Variants in ASPH observed in about 807,000 individuals in gnomAD.
ASPH encodes the protein aspartyl/asparaginyl beta-hydroxylase.
ASPH carries 100 observed loss-of-function variants against 118.4 expected under a neutral mutation model. The ratio of observed to expected loss-of-function variants is 0.84; its 90% CI spans 0.72 to 1.00. The LOEUF is 1.00. Ranked by LOEUF, ASPH falls within the 50% of genes least tolerant of loss-of-function variation. The pLI is 0.00. For synonymous variants in ASPH, 315 were observed against 325.6 expected, an observed-to-expected ratio of 0.97 and a Z score of 0.35; for missense variants, 920 against 919.5, an observed-to-expected ratio of 1.00 and a Z score of -0.01.
intron 18 of ASPH, among the ~76,000 whole-genome samples, chr8:61,557,511 G>A (rs776279404): frequency 3.3e-5 from 5 of 152,048 alleles, no homozygotes; most frequent in Non-Finnish European, 5.9e-5. Context: ...ACCATTACCC[G>A]CATTACTAAA....
At chr8:61,566,457 C>T (rs10086850) in intron 17 of ASPH, among the ~76,000 whole-genome samples, 152,096 of 152,336 alleles carry the variant, frequency 1, 75,928 homozygotes, top group Middle Eastern at 1. Flanking sequence ...CAGTGAACAT[C>T]GTTGAAATGG....
chr8:61,644,702 A>G, intron 6 of ASPH, 70 bp from the exon 7 acceptor site: 1 of 1,157,090 alleles, frequency 8.6e-7, no homozygotes, highest in Non-Finnish European at 1.2e-6. Context: ...CCGTATATGT[A>G]CTCTGAATCT....
intron 24 of ASPH, among the ~76,000 whole-genome samples, chr8:61,505,537 A>G (rs963537731): frequency 6.0e-5 from 9 of 150,854 alleles, no homozygotes; most frequent in Admixed American, 3.3e-4. Flanking sequence ...GCCTCCCACC[A>G]TGATTCTGAG....
Position 61,653,646 on chromosome 8 carries a change from ATC to A in ASPH, c.335_336del (p.Arg112IlefsTer13). 1 of 1,613,728 alleles carries A rather than the reference ATC, an allele frequency of 6.2e-7. No individual in the cohort carries two copies. Among genetic ancestry groups the A allele is most frequent in the Non-Finnish European group, 8.5e-7 (1 of 1,179,918 alleles). ...DAKVLLGLKE[R>X]STSEPAVPPE... ...GGCGGGACTGCTGGCTCTGAAGTAG[ATC>A]TCTCTTTAAGTCCTGCATTTTTTTA... On this transcript the variant is annotated frameshift_variant, in exon 4 of 25. Transcript: ENST00000379454. LOFTEE classifies it high-confidence loss of function.
chr8:61,505,091 C>T (rs1243597165), intron 24 of ASPH, among the ~76,000 whole-genome samples: 1 of 152,152 alleles, frequency 6.6e-6, no homozygotes, highest in Non-Finnish European at 1.5e-5. Flanking sequence ...ATGGGGGCAG[C>T]TTCCCCCATA....
At chr8:61,629,502 TAA>T (rs139724287) in intron 13 of ASPH, among the ~76,000 whole-genome samples, 8,682 of 152,254 alleles carry the variant, frequency 0.057, 805 homozygotes, top group African/African-American at 0.19. Flanking sequence ...AAATCAATCT[TAA>T]AAATCTAATA....
chr8:61,537,537 TTTA>T (rs564806529), intron 21 of ASPH, among the ~76,000 whole-genome samples: 1 of 151,804 alleles, frequency 6.6e-6, no homozygotes, highest in Admixed American at 6.6e-5. Context: ...GCCTGGCTAA[TTTA>T]TTATTATTAT....
intron 21 of ASPH, among the ~76,000 whole-genome samples, chr8:61,539,699 G>T (rs867226076): frequency 5.6e-5 from 7 of 124,208 alleles, no homozygotes; most frequent in Admixed American, 2.6e-4. Flanking sequence ...ACACTTCTGG[G>T]GTGTGTGTGT....
rs534452149 is a variant in ASPH, at chr8:61,593,034, C to T, written c.977-9005G>A. Among the ~76,000 whole-genome samples the T allele has an allele frequency of 2.4e-4, 37 of 152,238 alleles. 1 individual carries two copies. Among genetic ancestry groups the T allele is most frequent in the African/African-American group, 8.4e-4 (35 of 41,540 alleles). ...CCTACAGGCGGGGGATGTGGGTAGG[C>T]GCCCTCAGTTATTTTCTCTTTCATT... On this transcript the variant is annotated intron_variant, in intron 14 of 24. Transcript: ENST00000379454.
In ASPH at chr8:61,643,277, G is replaced by GA; in HGVS notation, c.757+108dup. ...AACAAAATCTCATGCATTAGATGTC[G>GA]AAATTACTTCTTTGATGCCTTTAAA... On this transcript the variant is annotated intron_variant, in intron 9 of 24. Transcript: ENST00000379454. 3 of 1,097,868 alleles carry GA rather than the reference G, an allele frequency of 2.7e-6. No homozygotes were observed. In the South Asian group the frequency reaches 4.9e-5, roughly 18 times the overall value. The allele number at this position is 1,097,868 out of a possible 1,614,324, so 68.0% of individuals were successfully genotyped here. A position where few individuals can be genotyped will look rare whatever the true frequency, so the allele number is the denominator to read the frequency against.
At position 61,616,935 on chromosome 8, in the gene ASPH, C is replaced by T. The variant is rs1935430302; in HGVS notation, c.976+2043G>A. 2.6e-5 allele frequency among the ~76,000 whole-genome samples: 4 copies of T among 152,182 alleles called. No homozygotes were observed. In the South Asian group the frequency reaches 8.3e-4, roughly 32 times the overall value. On this transcript the variant is annotated intron_variant, in intron 14 of 24. Transcript: ENST00000379454. ...TGCAACCACTTGTCTAGAACAATTC[C>T]TGGCATGTAGTTGGCACACTAATTT... is the stretch of plus-strand genomic sequence containing the variant.
chr8:61,626,089 T>C, intron 13 of ASPH: 6 of 1,246,692 alleles, frequency 4.8e-6, no homozygotes, highest in Non-Finnish European at 6.1e-6. Flanking sequence ...TGTGTGTTTC[T>C]AAAAAGAAAA....
intron 1 of ASPH, among the ~76,000 whole-genome samples, chr8:61,694,879 C>T (rs538545841): frequency 1.3e-5 from 2 of 152,304 alleles, no homozygotes; most frequent in Admixed American, 6.5e-5. Flanking sequence ...CTTTCCTGTT[C>T]AGTGTCCTAA....
At chr8:61,658,251 C>T (rs1187203404) in intron 3 of ASPH, 1 of 152,160 alleles carries the variant, frequency 6.6e-6, no homozygotes, top group African/African-American at 2.4e-5. Flanking sequence ...CTCAAAGCTG[C>T]CCCATGATAT....
rs144009141 is a variant in ASPH, at chr8:61,525,354, A to ACG, written c.1900+621_1900+622dup. On this transcript the variant is annotated intron_variant, in intron 22 of 24. Coordinates refer to ENST00000379454, the MANE Select transcript of ASPH (RefSeq NM_004318.4). ...ATCAATTCACTGAAAACACACACAC[A>ACG]CGCACACACACACACATACACACAC... Among the ~76,000 whole-genome samples, 620 of 132,998 alleles carry ACG rather than the reference A, an allele frequency of 4.7e-3. 5 individuals carry two copies. Among genetic ancestry groups the ACG allele is most frequent in the African/African-American group, 0.015 (549 of 35,574 alleles). The allele number at this position is 132,998 out of a possible 152,430, so 87.3% of individuals were successfully genotyped here.
intron 21 of ASPH, among the ~76,000 whole-genome samples, chr8:61,538,607 T>G (rs1820524615): frequency 6.6e-6 from 1 of 152,208 alleles, no homozygotes; most frequent in African/African-American, 2.4e-5. Flanking sequence ...TAAGTCTTAT[T>G]TTTGTCTAGG....
intron 1 of ASPH, among the ~76,000 whole-genome samples, chr8:61,701,725 AT>A (rs1308571546): frequency 6.6e-6 from 1 of 152,212 alleles, no homozygotes; most frequent in Non-Finnish European, 1.5e-5. Context: ...AGAAAGTTCA[AT>A]TTTTAACAAA....
intron 14 of ASPH, among the ~76,000 whole-genome samples, chr8:61,617,719 G>C (rs979180339): frequency 6.6e-5 from 10 of 151,974 alleles, no homozygotes; most frequent in Non-Finnish European, 1.2e-4. Flanking sequence ...TTACAACAAG[G>C]CCAGGAGTTT....
At chr8:61,681,252 A>G (rs1300015998) in intron 2 of ASPH, among the ~76,000 whole-genome samples, 1 of 151,778 alleles carries the variant, frequency 6.6e-6, no homozygotes, top group Non-Finnish European at 1.5e-5. Flanking sequence ...CAGCTAATAA[A>G]TGCTATGAAA....
Sources: allele counts gnomAD v4.1 joint callset (sites outside exome capture counted in the v4.1 genomes callset), GRCh38; gene constraint gnomAD v4.1.1; transcripts MANE v1.5; gene names NCBI Gene and HGNC (gene_info 2026-07-23, HGNC 2026-07-21).